The following EEA1 variants were observed in gnomAD, a reference collection of about 807,000 sequenced individuals.
The protein encoded by EEA1 is early endosome antigen 1, 162kD.
EEA1 carries 111 observed loss-of-function variants against 209.2 expected under a neutral mutation model. That is an observed-to-expected ratio of 0.53 (90% CI 0.45 to 0.62). The LOEUF (loss-of-function observed/expected upper bound fraction) is 0.62, where lower values mean the gene tolerates loss of function less well. EEA1 is among the 20% of genes least tolerant of loss of function. EEA1 has a pLI of 0.00. For synonymous variants in EEA1, 536 were observed against 540.6 expected, an observed-to-expected ratio of 0.99 and a Z score of 0.12; for missense variants, 1,343 against 1,530.8, an observed-to-expected ratio of 0.88 and a Z score of 2.05.
Position 92,798,908 on chromosome 12 carries a change from A to G in EEA1, c.2951T>C (p.Ile984Thr). ...QIEALQGELKIAVLQKTELEN... is the reference protein window; with the variant it reads ...QIEALQGELKTAVLQKTELEN... ...TATCACTACCTTCTGTAAAACAGCA[A>G]TTTTAAGCTCTCCTTGGAGTGCTTC... Residue 984 changes from isoleucine (I) to threonine (T), a missense_variant, in exon 21 of 29, where the codon ATT (isoleucine) becomes ACT (threonine). Ile to Thr is a moderately conservative substitution (Grantham distance 89, BLOSUM62 -1). Around this residue, in one of 3 missense-constraint regions of EEA1, gnomAD observed 1,307 missense variants for 1,465.5 expected, o/e 0.89. Coordinates refer to ENST00000322349, the MANE Select transcript of EEA1 (RefSeq NM_003566.4). The G allele has an allele frequency of 5.7e-6, 9 of 1,591,876 alleles. No individual in the cohort carries two copies. The highest frequency in any genetic ancestry group is 7.7e-6 in the Non-Finnish European group (9 of 1,173,970).
At chr12:92,884,837 CA>C in intron 2 of EEA1, 9 of 648,356 alleles carry the variant, frequency 1.4e-5, no homozygotes, top group Non-Finnish European at 2.8e-6. Context: ...CTGTTTTAGA[CA>C]AATACTCATG....
chr12:92,785,445 T>TAC (rs967617458), intron 22 of EEA1, among the ~76,000 whole-genome samples: 8 of 152,138 alleles, frequency 5.3e-5, no homozygotes, highest in Non-Finnish European at 1.0e-4. Context: ...CTCTCTCTTA[T>TAC]ACACAAGACC....
At chr12:92,816,155 C>T (rs371530072) in intron 15 of EEA1, 45 bp downstream of exon 15, 26 of 1,510,262 alleles carry the variant, frequency 1.7e-5, no homozygotes, top group East Asian at 9.1e-5. Flanking sequence ...AAACATTTGA[C>T]GGTCTAAAAC....
chr12:92,876,404 C>T (rs1321710281), intron 2 of EEA1, among the ~76,000 whole-genome samples: 10 of 152,096 alleles, frequency 6.6e-5, no homozygotes, highest in Non-Finnish European at 1.0e-4. Flanking sequence ...TATTTCCACC[C>T]ACTTGAATGT....
chr12:92,788,412 C>T (rs1874235096), intron 21 of EEA1, among the ~76,000 whole-genome samples: 1 of 151,770 alleles, frequency 6.6e-6, no homozygotes, highest in Non-Finnish European at 1.5e-5. Flanking sequence ...GAAACTTGTA[C>T]ATGAAAGAAA....
chr12:92,772,442 T>A lies in EEA1; in HGVS notation c.*3569A>T, dbSNP rs561991440. 3.9e-5 allele frequency: 6 copies of A among 151,944 alleles called. No individual in the cohort carries two copies. The highest frequency in any genetic ancestry group is 8.9e-5 in the Non-Finnish European group (6 of 67,780). The allele number at this position is 151,944 out of a possible 1,614,324, so 9.4% of individuals were successfully genotyped here. On this transcript the variant is annotated 3_prime_UTR_variant, in exon 29 of 29. Transcript: ENST00000322349. ...TCCTAATATTCTGTAAATAAATTAA[T>A]GCAAAATGGTTAATACAGTGTTCTC...
intron 21 of EEA1, among the ~76,000 whole-genome samples, chr12:92,794,735 G>GTGGGGGC (rs1874577551): frequency 6.8e-6 from 1 of 147,714 alleles, no homozygotes; most frequent in Non-Finnish European, 1.5e-5. Flanking sequence ...CTGTCGGGGG[G>GTGGGGGC]TGGGGGGCTG....
chr12:92,874,168 A>AC (rs199518650), intron 2 of EEA1, among the ~76,000 whole-genome samples: 2,563 of 152,036 alleles, frequency 0.017, 33 homozygotes, highest in East Asian at 0.039. Context: ...CAAAAAAAAA[A>AC]AATTTAGCCA....
chr12:92,828,123 C>A, intron 11 of EEA1, 62 bp from the exon 12 acceptor site: 1 of 1,260,118 alleles, frequency 7.9e-7, no homozygotes, highest in East Asian at 2.8e-5. Context: ...GCACCACCTA[C>A]TTTCCAAACA....
chr12:92,915,240 G>C (rs1015557894), intron 1 of EEA1, among the ~76,000 whole-genome samples: 4 of 152,132 alleles, frequency 2.6e-5, no homozygotes, highest in African/African-American at 9.7e-5. Flanking sequence ...GCCAAGGTGA[G>C]AGCATCACTT....
Position 92,857,473 on chromosome 12 carries a change from T to G in EEA1, c.258A>C (p.Thr86=). The G allele has an allele frequency of 6.3e-7, 1 of 1,577,370 alleles. No homozygotes were observed. The highest frequency in any genetic ancestry group is 8.6e-7 in the Non-Finnish European group (1 of 1,165,840). ...SNLALKRDDV[T]LLRQEVQDLQ... is the part of the protein sequence containing the mutation. ...GGTCTTGGACCTCTTGTCTGAGCAG[T>G]GTTACATCATCTCTAAATAAAAATG... Residue 86 remains threonine (T), a synonymous_variant, in exon 4 of 29, where the codon ACA becomes ACC. Transcript: ENST00000322349.
At chr12:92,908,283 T>C (rs541200342) in intron 1 of EEA1, among the ~76,000 whole-genome samples, 1 of 152,260 alleles carries the variant, frequency 6.6e-6, no homozygotes, top group Admixed American at 6.5e-5. Flanking sequence ...GTTAAATTCA[T>C]AGTGACAGGA....
intron 9 of EEA1, among the ~76,000 whole-genome samples, chr12:92,843,035 T>C (rs776585952): frequency 6.6e-6 from 1 of 152,190 alleles, no homozygotes; most frequent in African/African-American, 2.4e-5. Context: ...TCTTTCTAAA[T>C]TGTAAAGAAA....
intron 10 of EEA1, among the ~76,000 whole-genome samples, chr12:92,834,546 TAAAAAAAA>T (rs5800089): frequency 9.4e-5 from 7 of 74,424 alleles, no homozygotes; most frequent in Admixed American, 7.3e-4. Flanking sequence ...ACCCTGTCAC[TAAAAAAAA>T]AAAAAAAAAA....
At chr12:92,869,145 G>GACTCCTCTATTTTTTTCTAAA (rs1878523515) in intron 2 of EEA1, among the ~76,000 whole-genome samples, 1 of 152,138 alleles carries the variant, frequency 6.6e-6, no homozygotes, top group Non-Finnish European at 1.5e-5. Flanking sequence ...TGATATAAGA[G>GACTCCTCTATTTTTTTCTAAA]ACTCCTCTAT....
intron 2 of EEA1, among the ~76,000 whole-genome samples, chr12:92,878,711 G>T (rs1280205957): frequency 6.6e-6 from 1 of 152,002 alleles, no homozygotes; most frequent in Non-Finnish European, 1.5e-5. Flanking sequence ...TCAAAAGTTG[G>T]CTACCTTAAA....
intron 5 of EEA1, among the ~76,000 whole-genome samples, chr12:92,854,938 G>A (rs536268635): frequency 6.6e-6 from 1 of 152,266 alleles, no homozygotes; most frequent in Admixed American, 6.5e-5. Flanking sequence ...TGTAAGATTT[G>A]TTCATGTTAT....
chr12:92,862,796 G>A (rs1419750716), intron 3 of EEA1, among the ~76,000 whole-genome samples: 1 of 152,180 alleles, frequency 6.6e-6, no homozygotes, highest in Non-Finnish European at 1.5e-5. Flanking sequence ...TCAGATGCGG[G>A]TAGGAGGAGC....
chr12:92,777,798 G>T (rs1203645495), intron 26 of EEA1, 135 bp from the exon 27 acceptor site: 2 of 1,260,340 alleles, frequency 1.6e-6, no homozygotes, highest in Non-Finnish European at 2.2e-6. Flanking sequence ...TGTTTTACAG[G>T]TTAATTTTTA....
Sources: allele counts gnomAD v4.1 joint callset (sites outside exome capture counted in the v4.1 genomes callset), GRCh38; gene constraint gnomAD v4.1.1; regional missense constraint gnomAD v4.1.1; transcripts MANE v1.5; gene names NCBI Gene and HGNC (gene_info 2026-07-23, HGNC 2026-07-21).